The following ANP32B variants were observed in gnomAD, a reference collection of about 807,000 sequenced individuals.
The protein encoded by ANP32B is acidic leucine-rich nuclear phosphoprotein 32 family member B.
A neutral mutation model predicts 32.2 loss-of-function variants in ANP32B; 6 were observed. The ratio of observed to expected loss-of-function variants is 0.19; its 90% confidence interval spans 0.10 to 0.37. ANP32B has a LOEUF of 0.37. Ranked by LOEUF, ANP32B falls within the 10% of genes least tolerant of loss-of-function variation. The pLI, the probability that ANP32B is intolerant of heterozygous loss-of-function variation, is 1.00. For missense variants in ANP32B, 204 were observed against 289.2 expected (o/e 0.71, Z 2.14); for synonymous variants, 98 against 105.8 (o/e 0.93, Z 0.45).
intron 1 of ANP32B, among the ~76,000 whole-genome samples, chr9:97,988,394 G>T (rs1827772541): frequency 6.6e-6 from 1 of 152,060 alleles, no homozygotes; most frequent in South Asian, 2.1e-4. Context: ...AATGCCAGCA[G>T]TCGTGCTACC....
chr9:97,999,569 G>A (rs1827956821), intron 3 of ANP32B, among the ~76,000 whole-genome samples: 1 of 152,166 alleles, frequency 6.6e-6, no homozygotes, highest in South Asian at 2.1e-4. Flanking sequence ...CACTTGGGTT[G>A]TAGACTTGAT....
At chr9:97,984,894 C>T (rs1170541862) in intron 1 of ANP32B, among the ~76,000 whole-genome samples, 1 of 150,850 alleles carries the variant, frequency 6.6e-6, no homozygotes, top group Admixed American at 6.6e-5. Flanking sequence ...GGCCGGGCGG[C>T]CTCTGGCCTC....
chr9:97,995,930 T>TAA lies in ANP32B; in HGVS notation c.204+1170_204+1171dup, dbSNP rs570340593. Among the ~76,000 whole-genome samples the TAA allele has an allele frequency of 1.1e-3, 128 of 116,634 alleles. 3 individuals are homozygous for TAA. The East Asian group carries it at 0.017, about 15-fold the overall frequency. The allele number at this position is 116,634 out of a possible 152,430, so 76.5% of individuals were successfully genotyped here. On this transcript the variant is annotated intron_variant, in intron 2 of 6. Transcript: ENST00000339399. ...GACAGAGCAAGACTCTGTCTCGATTTAAAAAAAAAAAAAAAAAAAAAGTAT... is the reference window on the plus strand; with the variant it reads ...GACAGAGCAAGACTCTGTCTCGATTTAAAAAAAAAAAAAAAAAAAAAAAGTAT...
intron 5 of ANP32B, among the ~76,000 whole-genome samples, chr9:98,012,031 T>TTG (rs1828193615): frequency 6.6e-6 from 1 of 152,164 alleles, no homozygotes; most frequent in Non-Finnish European, 1.5e-5. Flanking sequence ...GGCTTGGGGT[T>TTG]TGTGTGATGT....
At chr9:97,991,796 A>G (rs966225940) in intron 1 of ANP32B, among the ~76,000 whole-genome samples, 1 of 152,236 alleles carries the variant, frequency 6.6e-6, no homozygotes, top group Non-Finnish European at 1.5e-5. Flanking sequence ...TATTTATAGT[A>G]GGGAAAATTG....
Position 97,983,424 on chromosome 9 carries a change from C to T in ANP32B, c.-132C>T, listed in dbSNP as rs944929465. Reference sequence around the variant, plus strand: ...TCGCCTGCCCGCACGCCGCCCGCCACCCAGGACCGCGCCGCCGGCCTCCGC... The same window carrying T: ...TCGCCTGCCCGCACGCCGCCCGCCATCCAGGACCGCGCCGCCGGCCTCCGC... On this transcript the variant is annotated 5_prime_UTR_variant, in exon 1 of 7. Coordinates refer to ENST00000339399, the MANE Select transcript of ANP32B (RefSeq NM_006401.3). 11 of 796,324 alleles carry T rather than the reference C, an allele frequency of 1.4e-5. No homozygotes were observed. In the African/African-American group the frequency reaches 1.8e-4, roughly 13 times the overall value. The allele number at this position is 796,324 out of a possible 1,614,324, so 49.3% of individuals were successfully genotyped here.
intron 1 of ANP32B, among the ~76,000 whole-genome samples, chr9:97,985,824 T>G (rs577066653): frequency 6.6e-6 from 1 of 152,198 alleles, no homozygotes; most frequent in South Asian, 2.1e-4. Context: ...TTCTTTTTTC[T>G]GTTTTTCTTT....
chr9:97,986,777 C>T (rs967114241), intron 1 of ANP32B: 3 of 152,128 alleles, frequency 2.0e-5, no homozygotes, highest in Non-Finnish European at 4.4e-5. Context: ...AATCGTTTCC[C>T]TTGTTGAAGG....
intron 2 of ANP32B, among the ~76,000 whole-genome samples, chr9:97,996,100 A>G (rs1053923274): frequency 6.6e-6 from 1 of 152,158 alleles, no homozygotes; most frequent in Non-Finnish European, 1.5e-5. Flanking sequence ...TAAGTATACT[A>G]GAGGTTCAAG....
chr9:97,990,706 A>G (rs1827808446), intron 1 of ANP32B, among the ~76,000 whole-genome samples: 1 of 151,594 alleles, frequency 6.6e-6, no homozygotes, highest in Admixed American at 6.6e-5. Context: ...AAACTCACCT[A>G]CATCTGTGTC....
At chr9:98,013,881 A>G (rs1019985734) in intron 6 of ANP32B, among the ~76,000 whole-genome samples, 2 of 152,100 alleles carry the variant, frequency 1.3e-5, no homozygotes, top group African/African-American at 4.8e-5. Flanking sequence ...TTAGCTGCAC[A>G]TGGTGGTGCA....
intron 1 of ANP32B, among the ~76,000 whole-genome samples, chr9:97,985,237 A>G (rs1827697651): frequency 6.6e-6 from 1 of 152,034 alleles, no homozygotes; most frequent in Non-Finnish European, 1.5e-5. Context: ...CAAGTCGCGA[A>G]CTTGTGGGAA....
chr9:97,984,016 C>T (rs565036608), intron 1 of ANP32B, among the ~76,000 whole-genome samples: 14 of 150,274 alleles, frequency 9.3e-5, no homozygotes, highest in African/African-American at 3.2e-4. Flanking sequence ...GCGCGGCCAT[C>T]CCCGCCTGGG....
Position 97,983,903 on chromosome 9 carries a change from G to A in ANP32B, c.54+294G>A, listed in dbSNP as rs531795591. On this transcript the variant is annotated intron_variant, in intron 1 of 6. Coordinates refer to ENST00000339399, the MANE Select transcript of ANP32B (RefSeq NM_006401.3). ...CCCTGAGGGAGCGCGTGTGCAAGTG[G>A]CCGGCGGCGAGAGAGGGAGGCGGGG... 6.6e-5 allele frequency among the ~76,000 whole-genome samples: 10 copies of A among 152,146 alleles called. No individual in the cohort carries two copies. In the East Asian group the frequency reaches 1.9e-3, roughly 30 times the overall value.
At chr9:97,983,770 G>A (rs1827641672) in intron 1 of ANP32B, among the ~76,000 whole-genome samples, 161 bp downstream of exon 1, 1 of 151,656 alleles carries the variant, frequency 6.6e-6, no homozygotes, top group African/African-American at 2.4e-5. Context: ...GGGGGAGCGA[G>A]CGCGCGAGGA....
chr9:98,002,238 G>A (rs1828006094), intron 3 of ANP32B: 1 of 152,110 alleles, frequency 6.6e-6, no homozygotes, highest in African/African-American at 2.4e-5. Flanking sequence ...AGTTCTTATA[G>A]TCAATGCAAT....
rs911759504 is a variant in ANP32B, at chr9:97,985,548, G to A, written c.54+1939G>A. ...TGTTTATTCCAGACTTTTCCATTGC[G>A]GCGTAATTGCAAATCCGTAGAATAT... On this transcript the variant is annotated intron_variant, in intron 1 of 6. Transcript: ENST00000339399. Among the ~76,000 whole-genome samples, 16 of 152,310 alleles carry A rather than the reference G, an allele frequency of 1.1e-4. No homozygotes were observed. The South Asian group carries it at 2.3e-3, about 22-fold the overall frequency.
Position 97,983,496 on chromosome 9 carries a change from C to T in ANP32B, c.-60C>T. On this transcript the variant is annotated 5_prime_UTR_variant, in exon 1 of 7. Transcript: ENST00000339399. Reference sequence around the variant, plus strand: ...GCCCTCGCTGCGCAAGCCGGGACGCCTCTCCCCCCTCCGCCCCCGCCGCGG... The same window carrying T: ...GCCCTCGCTGCGCAAGCCGGGACGCTTCTCCCCCCTCCGCCCCCGCCGCGG... The T allele has an allele frequency of 2.1e-6, 3 of 1,462,248 alleles. No homozygotes were observed. The highest frequency in any genetic ancestry group is 9.3e-7 in the Non-Finnish European group (1 of 1,076,328). The allele number at this position is 1,462,248 out of a possible 1,614,324, so 90.6% of individuals were successfully genotyped here.
intron 1 of ANP32B, among the ~76,000 whole-genome samples, chr9:97,994,115 A>C (rs1488816440): frequency 6.6e-6 from 1 of 152,226 alleles, no homozygotes; most frequent in Non-Finnish European, 1.5e-5. Flanking sequence ...TGTCAAGATA[A>C]TCTTGGCAAA....
Sources: allele counts gnomAD v4.1 joint callset (sites outside exome capture counted in the v4.1 genomes callset), GRCh38; gene constraint gnomAD v4.1.1; transcripts MANE v1.5; gene names NCBI Gene and HGNC (gene_info 2026-07-23, HGNC 2026-07-21).